The following CLYBL variants were observed in gnomAD, a reference collection of about 807,000 sequenced individuals.
CLYBL encodes citramalyl-CoA lyase, also known as citramalyl-CoA lyase, mitochondrial.
Under a neutral mutation model 38.9 loss-of-function variants are expected in CLYBL, and 31 were observed. That is an observed-to-expected ratio of 0.80 (90% CI 0.60 to 1.08). The LOEUF is 1.08. CLYBL is among the 50% of genes least tolerant of loss of function. The pLI, the probability that CLYBL is intolerant of heterozygous loss-of-function variation, is 0.00. For missense variants in CLYBL, 434 were observed against 411.6 expected (o/e 1.05, Z -0.47); for synonymous variants, 171 against 158.6 (o/e 1.08, Z -0.59).
intron 7 of CLYBL, among the ~76,000 whole-genome samples, chr13:99,890,459 T>C (rs567144329): frequency 6.6e-6 from 1 of 152,268 alleles, no homozygotes; most frequent in African/African-American, 2.4e-5. Context: ...TTACAGCTCA[T>C]GTCCCTGGTA....
At chr13:99,780,077 A>C (rs1455181121) in intron 2 of CLYBL, among the ~76,000 whole-genome samples, 1 of 152,144 alleles carries the variant, frequency 6.6e-6, no homozygotes. Flanking sequence ...AAATTGAGAG[A>C]GTCTAGTTGA....
intron 1 of CLYBL, among the ~76,000 whole-genome samples, chr13:99,746,153 G>A (rs1378228545): frequency 6.6e-6 from 1 of 152,060 alleles, no homozygotes; most frequent in Non-Finnish European, 1.5e-5. Context: ...AGTCTTGGGG[G>A]AGATGCATTA....
At chr13:99,766,488 G>C (rs2049270289) in intron 1 of CLYBL, among the ~76,000 whole-genome samples, 1 of 152,180 alleles carries the variant, frequency 6.6e-6, no homozygotes, top group Non-Finnish European at 1.5e-5. Context: ...CTTGGTTAGA[G>C]AGCTTACATA....
At position 99,678,862 on chromosome 13, in the gene CLYBL, A is replaced by C. The variant is rs1377799832; in HGVS notation, c.62+72105A>C. 3.9e-5 allele frequency among the ~76,000 whole-genome samples: 6 copies of C among 152,326 alleles called. No homozygotes were observed. The East Asian group carries it at 1.2e-3, about 29-fold the overall frequency. On this transcript the variant is annotated intron_variant, in intron 1 of 8. Transcript: ENST00000339105. ...ACAGAAAAAAAAAATTCCAGAAAGT[A>C]CAGGATAATTCTATTAGCATTTATT...
chr13:99,813,104 T>C (rs1380857859), intron 2 of CLYBL, among the ~76,000 whole-genome samples: 1 of 152,232 alleles, frequency 6.6e-6, no homozygotes, highest in Non-Finnish European at 1.5e-5. Flanking sequence ...TTTAAAATTC[T>C]GCACCAAAAT....
intron 2 of CLYBL, among the ~76,000 whole-genome samples, chr13:99,816,952 C>G (rs2050461529): frequency 6.6e-6 from 1 of 152,186 alleles, no homozygotes; most frequent in Admixed American, 6.5e-5. Flanking sequence ...GGTTTTACTT[C>G]CTGCTACCCA....
intron 1 of CLYBL, among the ~76,000 whole-genome samples, chr13:99,738,658 T>C (rs1013601044): frequency 1.3e-5 from 2 of 152,132 alleles, no homozygotes; most frequent in African/African-American, 4.8e-5. Context: ...CAGCCTCTGA[T>C]TGTACATGGT....
chr13:99,900,302 A>G (rs1387476843), downstream of CLYBL, among the ~76,000 whole-genome samples: 1 of 152,126 alleles, frequency 6.6e-6, no homozygotes, highest in African/African-American at 2.4e-5. Flanking sequence ...GACATACCAG[A>G]AAGGGCGGCA....
intron 1 of CLYBL, among the ~76,000 whole-genome samples, chr13:99,639,013 G>A (rs559088664): frequency 7.9e-4 from 121 of 152,220 alleles, no homozygotes; most frequent in Admixed American, 2.4e-3. Flanking sequence ...TGTCTCTTAT[G>A]TATGCTTTTT....
intron 2 of CLYBL, among the ~76,000 whole-genome samples, chr13:99,821,331 G>T (rs1221074943): frequency 6.6e-6 from 1 of 152,168 alleles, no homozygotes; most frequent in Non-Finnish European, 1.5e-5. Context: ...CTCATCTTTG[G>T]ATGCCCAGCA....
At chr13:99,664,373 A>G (rs561140681) in intron 1 of CLYBL, among the ~76,000 whole-genome samples, 1 of 152,378 alleles carries the variant, frequency 6.6e-6, no homozygotes, top group East Asian at 1.9e-4. Flanking sequence ...CTTTCAAGCC[A>G]GTTGCAAAAT....
chr13:99,610,256 G>A (rs1218996958), intron 1 of CLYBL, among the ~76,000 whole-genome samples: 4 of 152,204 alleles, frequency 2.6e-5, no homozygotes, highest in Non-Finnish European at 4.4e-5. Flanking sequence ...ACTTTAAATA[G>A]ATGATTTAAT....
intron 1 of CLYBL, among the ~76,000 whole-genome samples, chr13:99,730,455 TAGTG>T (rs67949577): frequency 0.14 from 20,736 of 152,030 alleles, 1,952 homozygotes; most frequent in East Asian, 0.43. Flanking sequence ...ACTGGCCTCT[TAGTG>T]AGAATACAGA....
intron 2 of CLYBL, among the ~76,000 whole-genome samples, chr13:99,834,130 A>G (rs2050882740): frequency 6.6e-6 from 1 of 152,110 alleles, no homozygotes; most frequent in African/African-American, 2.4e-5. Context: ...AGAGTCCCAC[A>G]GGTAACCTTC....
intron 1 of CLYBL, among the ~76,000 whole-genome samples, chr13:99,712,331 CT>C (rs766784946): frequency 0.044 from 5,361 of 120,756 alleles, 54 homozygotes; most frequent in Non-Finnish European, 0.06. Context: ...TAGCAATTGA[CT>C]TTTTTTTTTT....
intron 2 of CLYBL, among the ~76,000 whole-genome samples, chr13:99,833,560 G>GA (rs2050866999): frequency 1.3e-5 from 2 of 151,758 alleles, no homozygotes; most frequent in South Asian, 4.2e-4. Flanking sequence ...TCTGCCATCA[G>GA]AGTCCTCCAG....
intron 1 of CLYBL, among the ~76,000 whole-genome samples, chr13:99,704,980 T>C (rs921429681): frequency 8.5e-5 from 13 of 152,232 alleles, no homozygotes; most frequent in Non-Finnish European, 1.5e-4. Context: ...ACCGCAGTTA[T>C]GCATCTATTT....
At chr13:99,799,613 A>T (rs1441459936) in intron 2 of CLYBL, among the ~76,000 whole-genome samples, 1 of 152,214 alleles carries the variant, frequency 6.6e-6, no homozygotes, top group East Asian at 1.9e-4. Context: ...TCATGTGTGT[A>T]TCTGGAGCAA....
chr13:99,654,968 A>G (rs1327153021), intron 1 of CLYBL, among the ~76,000 whole-genome samples: 1 of 151,820 alleles, frequency 6.6e-6, no homozygotes, highest in Non-Finnish European at 1.5e-5. Flanking sequence ...TCGCGCTCCG[A>G]AGTCCATTCT....
Sources: allele counts gnomAD v4.1 joint callset (sites outside exome capture counted in the v4.1 genomes callset), GRCh38; gene constraint gnomAD v4.1.1; transcripts MANE v1.5; gene names NCBI Gene and HGNC (gene_info 2026-07-23, HGNC 2026-07-21).